The following SLC17A8 variants were observed in gnomAD, a reference collection of about 807,000 sequenced individuals.
SLC17A8 encodes solute carrier family 17 member 8.
Under a neutral mutation model 58.0 loss-of-function variants are expected in SLC17A8, and 31 were observed. That is an observed-to-expected ratio of 0.53 (90% CI 0.40 to 0.72). The LOEUF is 0.72. SLC17A8 is among the 30% of genes least tolerant of loss of function. The pLI is 0.00. For synonymous variants in SLC17A8, 228 were observed against 249.0 expected (o/e 0.92, Z 0.79); for missense variants, 655 against 727.8 (o/e 0.90, Z 1.15).
At chr12:100,400,261 G>C (rs1952782069) in intron 5 of SLC17A8, among the ~76,000 whole-genome samples, 1 of 152,130 alleles carries the variant, frequency 6.6e-6, no homozygotes, top group South Asian at 2.1e-4. Context: ...GAGACCTGCA[G>C]CCCATTTTCA....
In SLC17A8 at chr12:100,416,959, G is replaced by A. The variant is rs1952910395; in HGVS notation, c.1298-1070G>A. ...TGAACATGCACCCCTGCAATATATT[G>A]ACAAAGTCAGATCTCAGCTCGCTGT... On this transcript the variant is annotated intron_variant, in intron 10 of 11. Transcript: ENST00000323346. Among the ~76,000 whole-genome samples, 3 of 152,300 alleles carry A rather than the reference G, an allele frequency of 2.0e-5. No individual in the cohort carries two copies. In the South Asian group the frequency reaches 6.2e-4, roughly 32 times the overall value.
At chr12:100,402,504 A>G in intron 7 of SLC17A8, 25 bp downstream of exon 7, 1 of 1,613,886 alleles carries the variant, frequency 6.2e-7, no homozygotes, top group East Asian at 2.2e-5. Context: ...TCAGATGAAG[A>G]CTTACCTTTT....
intron 2 of SLC17A8, among the ~76,000 whole-genome samples, chr12:100,389,885 A>G (rs974017001): frequency 6.6e-6 from 1 of 151,596 alleles, no homozygotes; most frequent in Non-Finnish European, 1.5e-5. Flanking sequence ...TAGTGGTGTG[A>G]TCTTGGCTCA....
chr12:100,407,782 T>G (rs978846011), intron 9 of SLC17A8, among the ~76,000 whole-genome samples: 12 of 152,000 alleles, frequency 7.9e-5, no homozygotes, highest in African/African-American at 2.9e-4. Flanking sequence ...ATTTTTTGTA[T>G]TTTTTAGTAG....
intron 9 of SLC17A8, among the ~76,000 whole-genome samples, chr12:100,406,782 C>T (rs986792840): frequency 1.5e-4 from 23 of 152,030 alleles, no homozygotes; most frequent in Non-Finnish European, 2.4e-4. Flanking sequence ...GTAATCCGCC[C>T]GCCTCGGCCT....
chr12:100,361,917 C>T (rs1952487491), intron 1 of SLC17A8, among the ~76,000 whole-genome samples: 1 of 151,938 alleles, frequency 6.6e-6, no homozygotes, highest in African/African-American at 2.4e-5. Flanking sequence ...GCCGAGATCA[C>T]ACCACTGCAC....
At chr12:100,414,965 G>A (rs544474246) in intron 10 of SLC17A8, among the ~76,000 whole-genome samples, 8 of 152,292 alleles carry the variant, frequency 5.3e-5, no homozygotes, top group African/African-American at 1.9e-4. Flanking sequence ...GAGCAATCAC[G>A]ATTTGCTTCC....
intron 10 of SLC17A8, among the ~76,000 whole-genome samples, chr12:100,415,479 C>CTGG (rs1952900013): frequency 6.6e-6 from 1 of 151,532 alleles, no homozygotes; most frequent in South Asian, 2.1e-4. Flanking sequence ...GACACACAGG[C>CTGG]TGGTGTGCAG....
Position 100,402,340 on chromosome 12 carries a change from G to C in SLC17A8, c.764G>C (p.Gly255Ala), listed in dbSNP as rs762308166. 1 of 1,614,000 alleles carries C rather than the reference G, an allele frequency of 6.2e-7. No individual in the cohort carries two copies. Among genetic ancestry groups the C allele is most frequent in the African/African-American group, 1.3e-5 (1 of 75,004 alleles). Reference protein sequence around the residue: ...IGWSSVFYIYGMFGIIWYMFW... With the variant: ...IGWSSVFYIYAMFGIIWYMFW... ...CCAGCCTTTTCTTTTTTAACTGCAG[G>C]CATGTTTGGGATTATTTGGTACATG... The change falls in exon 7 of 12, where the codon GGC (glycine) becomes GCC (alanine). Residue 255 changes from glycine to alanine, a missense_variant and splice_region_variant. By Grantham distance (60) the Gly-to-Ala change is moderately conservative. Coordinates refer to ENST00000323346, the MANE Select transcript of SLC17A8 (RefSeq NM_139319.3).
chr12:100,383,468 T>G (rs1369360363), intron 2 of SLC17A8, among the ~76,000 whole-genome samples: 4 of 152,210 alleles, frequency 2.6e-5, no homozygotes, highest in Non-Finnish European at 5.9e-5. Context: ...AGATATCAAG[T>G]GAGCATGTTC....
intron 2 of SLC17A8, 45 bp downstream of exon 2, chr12:100,380,998 G>A (rs751673812): frequency 1.2e-6 from 2 of 1,609,010 alleles, no homozygotes; most frequent in South Asian, 2.2e-5. Flanking sequence ...TTGAGACAGG[G>A]TCTCGCTCGG....
intron 9 of SLC17A8, among the ~76,000 whole-genome samples, chr12:100,405,471 A>G (rs1416116677): frequency 6.6e-6 from 1 of 152,160 alleles, no homozygotes; most frequent in Non-Finnish European, 1.5e-5. Flanking sequence ...ATATAATCAC[A>G]ATAATCCTTA....
chr12:100,394,070 G>A (rs932904576), intron 4 of SLC17A8, among the ~76,000 whole-genome samples: 4 of 152,124 alleles, frequency 2.6e-5, no homozygotes, highest in Admixed American at 6.5e-5. Context: ...TGATTGTTGT[G>A]TGCCATTAAA....
chr12:100,359,069 A>G (rs1391270072), intron 1 of SLC17A8, among the ~76,000 whole-genome samples: 1 of 152,158 alleles, frequency 6.6e-6, no homozygotes, highest in African/African-American at 2.4e-5. Flanking sequence ...CAGACATTCA[A>G]GGTTGCAGCG....
In SLC17A8 at chr12:100,357,245, C is replaced by T. The variant is rs1592983023; in HGVS notation, c.-147C>T. ...GGAAGATCCGAGCTGGGTTTCATCT[C>T]CTTTTTGATTTTGAGTAGTTCCCTC... is the stretch of plus-strand genomic sequence containing the variant. On this transcript the variant is annotated 5_prime_UTR_variant, in exon 1 of 12. Coordinates refer to ENST00000323346, the MANE Select transcript of SLC17A8 (RefSeq NM_139319.3). 2.8e-6 allele frequency: 2 copies of T among 706,538 alleles called. No individual in the cohort carries two copies. The highest frequency in any genetic ancestry group is 5.2e-5 in the East Asian group (2 of 38,540). 43.8% of individuals were successfully genotyped at this position (706,538 alleles called of 1,614,324 possible).
chr12:100,359,729 C>G (rs1302235988), intron 1 of SLC17A8, among the ~76,000 whole-genome samples: 9 of 152,186 alleles, frequency 5.9e-5, no homozygotes, highest in Admixed American at 5.9e-4. Flanking sequence ...ACCAGCTCTG[C>G]CACGTGTTTG....
rs1419471862 is a variant in SLC17A8 at position 100,404,054 on chromosome 12, C to T, written c.1070C>T (p.Ala357Val). The change falls in exon 9 of 12, where the codon GCA becomes GTA. Residue 357 changes from alanine (A) to valine (V), a missense_variant. By Grantham distance (64) the Ala-to-Val change is moderately conservative. Coordinates refer to ENST00000323346, the MANE Select transcript of SLC17A8 (RefSeq NM_139319.3). ...CCCTTCCAGGTGGGTCTCTTGTCAGCAGTCCCACACATGGTTATGACAATC... is the reference window on the plus strand; with the variant it reads ...CCCTTCCAGGTGGGTCTCTTGTCAGTAGTCCCACACATGGTTATGACAATC... ...FAISKVGLLS[A>V]VPHMVMTIVV... 1.2e-6 allele frequency: 2 copies of T among 1,613,992 alleles called. No individual in the cohort carries two copies. Among genetic ancestry groups the T allele is most frequent in the Admixed American group, 3.3e-5 (2 of 59,996 alleles).
intron 9 of SLC17A8, among the ~76,000 whole-genome samples, chr12:100,405,269 G>A (rs977468965): frequency 6.6e-6 from 1 of 152,202 alleles, no homozygotes; most frequent in Non-Finnish European, 1.5e-5. Context: ...TATCTGGTGG[G>A]CAGGAGGTGA....
chr12:100,392,624 G>GA (rs529950270), intron 3 of SLC17A8, among the ~76,000 whole-genome samples: 1 of 151,966 alleles, frequency 6.6e-6, no homozygotes, highest in Admixed American at 6.6e-5. Flanking sequence ...CCTCAGCCTT[G>GA]AAAAAAAATC....
Sources: gnomAD v4.1 joint callset for allele counts (sites outside exome capture counted in the v4.1 genomes callset) on GRCh38, gnomAD v4.1.1 for gene constraint, MANE v1.5 for transcripts, NCBI Gene and HGNC (gene_info 2026-07-23, HGNC 2026-07-21) for gene names.